KCNIP4: variants seen among roughly 807,000 people sequenced by gnomAD.
KCNIP4 encodes the protein potassium voltage-gated channel interacting protein 4, also known as Kv channel-interacting protein 4.
A neutral mutation model predicts 34.0 loss-of-function variants in KCNIP4; 12 were observed. The ratio of observed to expected loss-of-function variants is 0.35; its 90% CI spans 0.23 to 0.57. The LOEUF is 0.57. Ranked by LOEUF, KCNIP4 falls within the 20% of genes least tolerant of loss-of-function variation. KCNIP4 has a pLI of 0.83. For missense variants in KCNIP4, 238 were observed against 311.7 expected, an observed-to-expected ratio of 0.76 and a Z score of 1.78; for synonymous variants, 124 against 102.2, an observed-to-expected ratio of 1.21 and a Z score of -1.29.
At chr4:21,346,585 CT>C (rs1222737514) in intron 1 of KCNIP4, among the ~76,000 whole-genome samples, 2 of 151,760 alleles carry the variant, frequency 1.3e-5, no homozygotes, top group Non-Finnish European at 2.9e-5. Flanking sequence ...TCACAAACAA[CT>C]TTTTTATGGT....
chr4:20,830,434 TTCTC>T lies in KCNIP4; in HGVS notation c.288+20105_288+20108del, dbSNP rs1718279419. On this transcript the variant is annotated intron_variant, in intron 3 of 8. Coordinates refer to ENST00000382152, the MANE Select transcript of KCNIP4 (RefSeq NM_025221.6). ...AGGGCCAAGATCTTTTGATTCATTT[TTCTC>T]TCTCTTTCTTATACCTTCTGCATGT... Among the ~76,000 whole-genome samples the T allele has an allele frequency of 4.6e-5, 7 of 152,302 alleles. No homozygotes were observed. In the South Asian group the frequency reaches 1.0e-3, roughly 23 times the overall value.
At chr4:21,495,074 T>A (rs1311697671) in intron 1 of KCNIP4, among the ~76,000 whole-genome samples, 3 of 152,128 alleles carry the variant, frequency 2.0e-5, no homozygotes, top group Non-Finnish European at 2.9e-5. Flanking sequence ...GCATCATGTG[T>A]TTGCTGGTCA....
intron 1 of KCNIP4, among the ~76,000 whole-genome samples, chr4:21,837,539 A>AAAAAAAAAAAG (rs544740343): frequency 3.0e-4 from 44 of 145,398 alleles, no homozygotes; most frequent in Non-Finnish European, 4.7e-4. Context: ...TGTCAAAAAA[A>AAAAAAAAAAAG]AAAAAAAAGA....
At chr4:21,208,000 G>A (rs1756968951) in intron 1 of KCNIP4, among the ~76,000 whole-genome samples, 1 of 151,266 alleles carries the variant, frequency 6.6e-6, no homozygotes, top group South Asian at 2.1e-4. Flanking sequence ...ACGCCACCAG[G>A]CCCACATAAT....
chr4:21,396,549 C>CAAAAAAAAAA (rs555585102), intron 1 of KCNIP4, among the ~76,000 whole-genome samples: 1,490 of 52,336 alleles, frequency 0.028, 201 homozygotes, highest in Non-Finnish European at 0.034. Flanking sequence ...AGCAAGACTC[C>CAAAAAAAAAA]AAAAAAAAAA....
At chr4:20,851,703 T>C (rs1211385964) in intron 2 of KCNIP4, among the ~76,000 whole-genome samples, 2 of 152,162 alleles carry the variant, frequency 1.3e-5, no homozygotes, top group Non-Finnish European at 2.9e-5. Flanking sequence ...CTCTAGCATT[T>C]TTAAGGTATA....
intron 1 of KCNIP4, among the ~76,000 whole-genome samples, chr4:21,604,117 C>T (rs1283308606): frequency 6.6e-6 from 1 of 151,904 alleles, no homozygotes; most frequent in African/African-American, 2.4e-5. Context: ...AGAGTTACCT[C>T]AAAATGAAGT....
intron 1 of KCNIP4, among the ~76,000 whole-genome samples, chr4:21,825,440 T>C (rs1722620396): frequency 6.6e-6 from 1 of 152,112 alleles, no homozygotes. Context: ...TGATATACAC[T>C]CTGTTGAATA....
chr4:21,008,814 G>T (rs1738806928), intron 1 of KCNIP4, among the ~76,000 whole-genome samples: 2 of 151,872 alleles, frequency 1.3e-5, no homozygotes, highest in Non-Finnish European at 1.5e-5. Context: ...GTGAGCCACC[G>T]CGCCCAGCCG....
chr4:21,627,912 A>G (rs1461143378), intron 1 of KCNIP4, among the ~76,000 whole-genome samples: 1 of 152,160 alleles, frequency 6.6e-6, no homozygotes, highest in Non-Finnish European at 1.5e-5. Flanking sequence ...CTTGGGAGGA[A>G]AAGATTTCCA....
chr4:21,932,463 T>C (rs371038110), intron 1 of KCNIP4, among the ~76,000 whole-genome samples: 8 of 152,080 alleles, frequency 5.3e-5, no homozygotes, highest in East Asian at 1.9e-4. Context: ...GATAAATATA[T>C]AGGGAAGTTA....
At chr4:21,917,272 T>A (rs1465457513) in intron 1 of KCNIP4, among the ~76,000 whole-genome samples, 1 of 151,980 alleles carries the variant, frequency 6.6e-6, no homozygotes, top group Non-Finnish European at 1.5e-5. Context: ...ATAGCTGGGA[T>A]TACAGGCATA....
chr4:21,515,510 G>A (rs954107152), intron 1 of KCNIP4, among the ~76,000 whole-genome samples: 1 of 152,036 alleles, frequency 6.6e-6, no homozygotes, highest in African/African-American at 2.4e-5. Flanking sequence ...GTCGTTGCAG[G>A]CGCCTGTAGT....
At chr4:20,880,192 C>A (rs1724517652) in intron 2 of KCNIP4, among the ~76,000 whole-genome samples, 1 of 152,126 alleles carries the variant, frequency 6.6e-6, no homozygotes, top group African/African-American at 2.4e-5. Context: ...TTTGTAGTTA[C>A]TTCATGGTAG....
chr4:21,869,705 C>T (rs894395858), intron 1 of KCNIP4, among the ~76,000 whole-genome samples: 2 of 151,650 alleles, frequency 1.3e-5, no homozygotes, highest in Non-Finnish European at 2.9e-5. Context: ...TCTTCCCCCC[C>T]ACCGCCACAT....
At chr4:21,817,642 C>A (rs1422979578) in intron 1 of KCNIP4, among the ~76,000 whole-genome samples, 1 of 151,988 alleles carries the variant, frequency 6.6e-6, no homozygotes, top group Non-Finnish European at 1.5e-5. Flanking sequence ...GAATGCATTC[C>A]TTGCGGGAGG....
chr4:21,892,918 G>A (rs899311732), intron 1 of KCNIP4, among the ~76,000 whole-genome samples: 3 of 152,110 alleles, frequency 2.0e-5, no homozygotes, highest in Non-Finnish European at 2.9e-5. Context: ...CAGTTCCACA[G>A]GCGATATAGC....
chr4:21,756,059 A>G (rs1392460332), intron 1 of KCNIP4, among the ~76,000 whole-genome samples: 1 of 152,200 alleles, frequency 6.6e-6, no homozygotes, highest in African/African-American at 2.4e-5. Context: ...TGAAAACTGA[A>G]AAGTTTTAGT....
chr4:21,903,227 A>T (rs560425491), intron 1 of KCNIP4, among the ~76,000 whole-genome samples: 1 of 152,322 alleles, frequency 6.6e-6, no homozygotes, highest in African/African-American at 2.4e-5. Flanking sequence ...TTCTGAAGCC[A>T]TCTTCCTCTC....
Sources: allele counts gnomAD v4.1 joint callset (sites outside exome capture counted in the v4.1 genomes callset), GRCh38; gene constraint gnomAD v4.1.1; transcripts MANE v1.5; gene names NCBI Gene and HGNC (gene_info 2026-07-23, HGNC 2026-07-21).